Variants in PHF14 observed in about 807,000 individuals in gnomAD.
The protein encoded by PHF14 is PHD finger protein 14.
A neutral mutation model predicts 117.9 loss-of-function variants in PHF14; 55 were observed. That is an observed-to-expected ratio of 0.47 (90% CI 0.38 to 0.58). PHF14 has a LOEUF of 0.58. PHF14 is among the 20% of genes least tolerant of loss of function. The probability of loss-of-function intolerance (pLI) is 0.00; values close to 1 mark genes in which losing one functional copy is unlikely to be tolerated. For synonymous variants in PHF14, 409 were observed against 368.6 expected, an observed-to-expected ratio of 1.11 and a Z score of -1.26; for missense variants, 978 against 1,122.2, an observed-to-expected ratio of 0.87 and a Z score of 1.84.
chr7:11,126,218 A>G (rs1331980663), intron 17 of PHF14, among the ~76,000 whole-genome samples: 1 of 152,152 alleles, frequency 6.6e-6, no homozygotes, highest in African/African-American at 2.4e-5. Context: ...ATTTTAATGC[A>G]GCAGTTTCAA....
intron 4 of PHF14, among the ~76,000 whole-genome samples, chr7:11,000,053 G>T (rs1782806496): frequency 6.6e-6 from 1 of 152,154 alleles, no homozygotes; most frequent in Admixed American, 6.6e-5. Context: ...AATAGTCTTT[G>T]ACCACTTTAG....
Position 11,144,406 on chromosome 7 carries a change from C to G in PHF14, c.2773-25010C>G, listed in dbSNP as rs561804828. Among the ~76,000 whole-genome samples the G allele has an allele frequency of 2.4e-4, 36 of 151,698 alleles. 1 individual carries two copies. The highest frequency in any genetic ancestry group is 8.2e-4 in the African/African-American group (34 of 41,392). On this transcript the variant is annotated intron_variant, in intron 17 of 17. Coordinates refer to ENST00000634607, the MANE Select transcript of PHF14 (RefSeq NM_001007157.2). ...AATAAATTAGTATATTGAAGAGATACCTGCACCCCCATGTTTATTGCAGCA... is the reference window on the plus strand; with the variant it reads ...AATAAATTAGTATATTGAAGAGATAGCTGCACCCCCATGTTTATTGCAGCA...
intron 16 of PHF14, among the ~76,000 whole-genome samples, chr7:11,101,118 A>T (rs997683208): frequency 6.6e-6 from 1 of 151,886 alleles, no homozygotes; most frequent in African/African-American, 2.4e-5. Flanking sequence ...CACATTGCTT[A>T]TTCTAGCTTA....
At chr7:11,161,946 A>G (rs1190070740) in intron 17 of PHF14, among the ~76,000 whole-genome samples, 2 of 150,826 alleles carry the variant, frequency 1.3e-5, no homozygotes, top group Non-Finnish European at 3.0e-5. Flanking sequence ...AAAATTTTCT[A>G]TTGTCAAGAC....
intron 14 of PHF14, among the ~76,000 whole-genome samples, chr7:11,052,592 G>A (rs190806199): frequency 1.1e-3 from 174 of 152,276 alleles, no homozygotes; most frequent in South Asian, 3.5e-3. Context: ...ACTCATACCA[G>A]CAATGGATAA....
chr7:11,040,149 G>A (rs1784453006), intron 11 of PHF14, among the ~76,000 whole-genome samples: 1 of 151,900 alleles, frequency 6.6e-6, no homozygotes, highest in Non-Finnish European at 1.5e-5. Flanking sequence ...TTGAACAGAT[G>A]TGGGCCCACC....
At chr7:11,074,586 T>C (rs949624701) in intron 16 of PHF14, among the ~76,000 whole-genome samples, 5 of 152,210 alleles carry the variant, frequency 3.3e-5, no homozygotes, top group Non-Finnish European at 5.9e-5. Context: ...AGGCCACATC[T>C]TAACTGCTTC....
intron 16 of PHF14, among the ~76,000 whole-genome samples, chr7:11,095,175 A>G (rs1460675941): frequency 6.6e-6 from 1 of 152,242 alleles, no homozygotes; most frequent in African/African-American, 2.4e-5. Context: ...AGCACTTACC[A>G]CAACCATATG....
At chr7:11,041,860 A>AGTGT (rs368177997) in intron 12 of PHF14, among the ~76,000 whole-genome samples, 93 of 144,658 alleles carry the variant, frequency 6.4e-4, no homozygotes, top group African/African-American at 1.6e-3. Context: ...TGGCTTTTTA[A>AGTGT]GTGTGTGTGT....
intron 7 of PHF14, among the ~76,000 whole-genome samples, chr7:11,034,246 C>G (rs1271258020): frequency 1.3e-5 from 2 of 151,912 alleles, no homozygotes; most frequent in Non-Finnish European, 2.9e-5. Context: ...ACACTTTTGA[C>G]ATAACTTAGA....
chr7:11,147,506 C>T (rs1012615393), intron 17 of PHF14, among the ~76,000 whole-genome samples: 2 of 152,180 alleles, frequency 1.3e-5, no homozygotes, highest in African/African-American at 4.8e-5. Flanking sequence ...TTGTTAATGT[C>T]ACTTACAATC....
At chr7:11,031,447 C>A (rs1451608550) in intron 7 of PHF14, among the ~76,000 whole-genome samples, 1 of 152,056 alleles carries the variant, frequency 6.6e-6, no homozygotes, top group African/African-American at 2.4e-5. Flanking sequence ...GACACAACAT[C>A]TTATTTTTAA....
chr7:11,124,741 T>C lies in PHF14; in HGVS notation c.2772+13274T>C, dbSNP rs576162801. ...TGTGTTTTAGAAACTAGATTTTATA[T>C]ATTAAAATAGGTATTTTCTATTTCT... On this transcript the variant is annotated intron_variant, in intron 17 of 17. Coordinates refer to ENST00000634607, the MANE Select transcript of PHF14 (RefSeq NM_001007157.2). 1.5e-4 allele frequency among the ~76,000 whole-genome samples: 23 copies of C among 152,272 alleles called. No individual in the cohort carries two copies. The South Asian group carries it at 4.6e-3, about 30-fold the overall frequency.
At chr7:11,117,110 T>C (rs1158950591) in intron 17 of PHF14, among the ~76,000 whole-genome samples, 1 of 151,968 alleles carries the variant, frequency 6.6e-6, no homozygotes, top group Non-Finnish European at 1.5e-5. Flanking sequence ...TAAAAGTGCT[T>C]CCTCCAGGTC....
chr7:10,974,249 C>G lies in PHF14; in HGVS notation c.-75C>G, dbSNP rs1417043606. ...CGGACTTGTCTTCGCGGCCCCAGTC[C>G]CCGACCTCGGCGCTGCCTGGGCTCC... is the stretch of plus-strand genomic sequence containing the variant. On this transcript the variant is annotated 5_prime_UTR_variant, in exon 1 of 18. Coordinates refer to ENST00000634607, the MANE Select transcript of PHF14 (RefSeq NM_001007157.2). The G allele has an allele frequency of 1.3e-5, 18 of 1,345,576 alleles. No individual in the cohort carries two copies. Among genetic ancestry groups the G allele is most frequent in the South Asian group, 3.7e-5 (3 of 80,424 alleles). The allele number at this position is 1,345,576 out of a possible 1,614,324, so 83.4% of individuals were successfully genotyped here. A position where few individuals can be genotyped will look rare whatever the true frequency, so the allele number is the denominator to read the frequency against.
chr7:11,069,539 AT>A (rs71807051), intron 16 of PHF14, among the ~76,000 whole-genome samples: 85,490 of 150,180 alleles, frequency 0.57, 25,866 homozygotes, highest in East Asian at 0.85. Context: ...TCTTTTATGT[AT>A]TTTTTTTAAT....
intron 5 of PHF14, chr7:11,014,920 A>G (rs1251597366): frequency 6.6e-6 from 1 of 150,934 alleles, no homozygotes; most frequent in Non-Finnish European, 1.5e-5. Flanking sequence ...ACTACCATCT[A>G]GGGTTGGTGA....
At chr7:11,103,020 A>G (rs1787142420) in intron 16 of PHF14, 2 of 990,778 alleles carry the variant, frequency 2.0e-6, no homozygotes, top group South Asian at 9.1e-5. Context: ...TTAGTCTGCT[A>G]TTCTGTTTCC....
rs1781780006 is a variant in PHF14, at chr7:10,974,145, G to T, written c.-179G>T. ...AGGGCCAGGCGAGGCCGGGGGGGCG[G>T]GGGGTTAGGGGACCGCGGGGCTACT... On this transcript the variant is annotated 5_prime_UTR_variant, in exon 1 of 18. Coordinates refer to ENST00000634607, the MANE Select transcript of PHF14 (RefSeq NM_001007157.2). The T allele has an allele frequency of 3.3e-6, 2 of 605,182 alleles. No individual in the cohort carries two copies. The highest frequency in any genetic ancestry group is 5.7e-5 in the East Asian group (2 of 34,956). 37.5% of individuals were successfully genotyped at this position (605,182 alleles called of 1,614,324 possible). A position where few individuals can be genotyped will look rare whatever the true frequency, so the allele number is the denominator to read the frequency against.
Sources: gnomAD v4.1 joint callset for allele counts (sites outside exome capture counted in the v4.1 genomes callset) on GRCh38, gnomAD v4.1.1 for gene constraint, MANE v1.5 for transcripts, NCBI Gene and HGNC (gene_info 2026-07-23, HGNC 2026-07-21) for gene names.